MBOAT1: variants seen among roughly 807,000 people sequenced by gnomAD.
MBOAT1 encodes membrane-bound glycerophospholipid O-acyltransferase 1.
MBOAT1 carries 67 observed loss-of-function variants against 64.4 expected under a neutral mutation model. The ratio of observed to expected loss-of-function variants is 1.04; its 90% CI spans 0.85 to 1.27. The LOEUF (loss-of-function observed/expected upper bound fraction) is 1.27. MBOAT1 is among the 50% of genes most tolerant of loss of function. The pLI is 0.00. For synonymous variants in MBOAT1, 229 were observed against 218.9 expected (o/e 1.05, Z -0.41); for missense variants, 563 against 604.6 (o/e 0.93, Z 0.72).
intron 7 of MBOAT1, among the ~76,000 whole-genome samples, chr6:20,125,082 T>C (rs557640010): frequency 6.6e-6 from 1 of 152,054 alleles, no homozygotes; most frequent in Non-Finnish European, 1.5e-5. Context: ...AGCCAGGACA[T>C]GGGCAGGTAA....
intron 12 of MBOAT1, among the ~76,000 whole-genome samples, chr6:20,106,249 T>C (rs1329106384): frequency 2.0e-5 from 3 of 152,244 alleles, no homozygotes; most frequent in African/African-American, 4.8e-5. Flanking sequence ...GTAATCAATC[T>C]GGAATAGCCA....
At chr6:20,172,722 T>C (rs1427373893) in intron 1 of MBOAT1, among the ~76,000 whole-genome samples, 1 of 137,306 alleles carries the variant, frequency 7.3e-6, no homozygotes, top group Non-Finnish European at 1.6e-5. Context: ...TATGCAAATA[T>C]AACACTGATC....
intron 2 of MBOAT1, 61 bp downstream of exon 2, chr6:20,152,563 A>G (rs140948745): frequency 0.013 from 19,647 of 1,533,762 alleles, 160 homozygotes; most frequent in Non-Finnish European, 0.016. Flanking sequence ...GTGCAATTCC[A>G]AGGACATTGC....
chr6:20,204,704 A>G (rs1763212355), intron 1 of MBOAT1, among the ~76,000 whole-genome samples: 1 of 152,150 alleles, frequency 6.6e-6, no homozygotes, highest in South Asian at 2.1e-4. Flanking sequence ...AGGGTATGAA[A>G]GACACACTGT....
chr6:20,123,381 T>G (rs1760550015), intron 8 of MBOAT1, among the ~76,000 whole-genome samples: 1 of 152,208 alleles, frequency 6.6e-6, no homozygotes, highest in Non-Finnish European at 1.5e-5. Flanking sequence ...CTCCCATCCC[T>G]GAAAGGGTTC....
At chr6:20,196,226 A>C (rs1762951527) in intron 1 of MBOAT1, among the ~76,000 whole-genome samples, 1 of 152,270 alleles carries the variant, frequency 6.6e-6, no homozygotes, top group South Asian at 2.1e-4. Flanking sequence ...CCCAAATTCT[A>C]TCAAAAGGAT....
Position 20,212,390 on chromosome 6 carries a change from G to A in MBOAT1, c.-156C>T, listed in dbSNP as rs560058531. ...GGGAGGCCGGGGAATGCGAACCGGC[G>A]CAAACTCTCGAGGCGCAAACTCTCG... On this transcript the variant is annotated 5_prime_UTR_variant, in exon 1 of 13. Transcript: ENST00000324607. The A allele has an allele frequency of 6.6e-5, 43 of 654,756 alleles. No homozygotes were observed. In the African/African-American group the frequency reaches 6.8e-4, roughly 10 times the overall value. The allele number at this position is 654,756 out of a possible 1,614,324, so 40.6% of individuals were successfully genotyped here. A position where few individuals can be genotyped will look rare whatever the true frequency, so the allele number is the denominator to read the frequency against.
intron 1 of MBOAT1, among the ~76,000 whole-genome samples, chr6:20,181,217 G>T (rs1394446065): frequency 6.6e-6 from 1 of 152,146 alleles, no homozygotes; most frequent in Non-Finnish European, 1.5e-5. Context: ...CCGCTCCCCA[G>T]GTTCCACACT....
rs546812860 is a variant in MBOAT1, at chr6:20,117,610, T to C, written c.1011+827A>G. Among the ~76,000 whole-genome samples, 381 of 152,272 alleles carry C rather than the reference T, an allele frequency of 2.5e-3. 1 individual carries two copies. The highest frequency in any genetic ancestry group is 8.9e-3 in the African/African-American group (368 of 41,562). On this transcript the variant is annotated intron_variant, in intron 9 of 12. Coordinates refer to ENST00000324607, the MANE Select transcript of MBOAT1 (RefSeq NM_001080480.3). Reference sequence around the variant, plus strand: ...GTTTCCACCCAACGTGGGTGGCAGGTGGTCAGTTTCTACTATCTCTGGCTT... The same window carrying C: ...GTTTCCACCCAACGTGGGTGGCAGGCGGTCAGTTTCTACTATCTCTGGCTT...
chr6:20,202,056 ACACT>A (rs1197890297), intron 1 of MBOAT1, among the ~76,000 whole-genome samples: 2 of 152,308 alleles, frequency 1.3e-5, no homozygotes, highest in African/African-American at 2.4e-5. Context: ...CAATCTAGTG[ACACT>A]CACAGTTAAA....
intron 6 of MBOAT1, 112 bp from the exon 7 acceptor site, chr6:20,126,812 C>A: frequency 1.3e-6 from 1 of 788,996 alleles, no homozygotes. Context: ...CATGACATGA[C>A]CTTTCCTTGT....
chr6:20,126,960 G>C (rs1760672447), intron 6 of MBOAT1, among the ~76,000 whole-genome samples: 1 of 152,118 alleles, frequency 6.6e-6, no homozygotes, highest in South Asian at 2.1e-4. Context: ...AGCTGGGCGA[G>C]GGCAAGTGCA....
rs980913674 is a variant in MBOAT1, at chr6:20,146,006, G to A, written c.324-1691C>T. 4.6e-5 allele frequency among the ~76,000 whole-genome samples: 7 copies of A among 152,168 alleles called. No homozygotes were observed. In the South Asian group the frequency reaches 6.2e-4, roughly 14 times the overall value. On this transcript the variant is annotated intron_variant, in intron 3 of 12. Coordinates refer to ENST00000324607, the MANE Select transcript of MBOAT1 (RefSeq NM_001080480.3). Reference sequence around the variant, plus strand: ...ATTAGAATTATTTGTGTATGTGTCTGTTTCCCCAACTCATTGTGACCTTGA... The same window carrying A: ...ATTAGAATTATTTGTGTATGTGTCTATTTCCCCAACTCATTGTGACCTTGA...
intron 4 of MBOAT1, among the ~76,000 whole-genome samples, chr6:20,136,559 A>G (rs1469537293): frequency 2.6e-5 from 4 of 152,186 alleles, no homozygotes; most frequent in South Asian, 2.1e-4. Flanking sequence ...GGCTGGTCAG[A>G]TGGAGTGACC....
In MBOAT1 at chr6:20,118,540, G is replaced by A; in HGVS notation, c.908C>T (p.Ala303Val). The A allele has an allele frequency of 1.2e-6, 2 of 1,612,286 alleles. No individual in the cohort carries two copies. The highest frequency in any genetic ancestry group is 1.7e-6 in the Non-Finnish European group (2 of 1,178,990). ...KPKYYFAWTL[A>V]DAVNNAAGFG... ...GCCAGCTGCGTTATTCACTGCATCAGCTATGGTTTTTAAAGTAACACATTA... is the reference window on the plus strand; with the variant it reads ...GCCAGCTGCGTTATTCACTGCATCAACTATGGTTTTTAAAGTAACACATTA... Residue 303 changes from alanine to valine, a missense_variant and splice_region_variant, in exon 9 of 13, where the codon GCT becomes GTT. Ala to Val is a moderately conservative substitution (Grantham distance 64). Transcript: ENST00000324607.
intron 1 of MBOAT1, among the ~76,000 whole-genome samples, chr6:20,168,640 A>AGAGGAGAGGAGAG (rs1762096764): frequency 7.4e-5 from 4 of 53,744 alleles, no homozygotes; most frequent in African/African-American, 1.8e-4. Context: ...AGAGAAGAGA[A>AGAGGAGAGGAGAG]GAGAGGAGAG....
At chr6:20,182,959 A>C (rs1762551851) in intron 1 of MBOAT1, among the ~76,000 whole-genome samples, 1 of 152,228 alleles carries the variant, frequency 6.6e-6, no homozygotes, top group Admixed American at 6.5e-5. Flanking sequence ...CAGATAGAAC[A>C]GTTTCAGAAA....
chr6:20,170,958 C>G (rs1380702426), intron 1 of MBOAT1, among the ~76,000 whole-genome samples: 1 of 151,964 alleles, frequency 6.6e-6, no homozygotes, highest in Non-Finnish European at 1.5e-5. Context: ...GGAAATTGGC[C>G]AGCATGCTAG....
At chr6:20,111,003 G>A (rs1035218796) in intron 11 of MBOAT1, among the ~76,000 whole-genome samples, 3 of 152,156 alleles carry the variant, frequency 2.0e-5, no homozygotes, top group Non-Finnish European at 4.4e-5. Context: ...CCAAGCCTGT[G>A]CTAATGATTT....
Sources: allele counts gnomAD v4.1 joint callset (sites outside exome capture counted in the v4.1 genomes callset), GRCh38; gene constraint gnomAD v4.1.1; transcripts MANE v1.5; gene names NCBI Gene and HGNC (gene_info 2026-07-23, HGNC 2026-07-21).